The following MIX23 variants were observed in gnomAD, a reference collection of about 807,000 sequenced individuals.
MIX23 encodes the protein protein MIX23.
MIX23 carries 13 observed loss-of-function variants against 21.6 expected under a neutral mutation model. The ratio of observed to expected loss-of-function variants is 0.60; its 90% CI spans 0.39 to 0.96. The LOEUF (loss-of-function observed/expected upper bound fraction) is 0.96. MIX23 is among the 40% of genes least tolerant of loss of function. The pLI is 0.00. For synonymous variants in MIX23, 59 were observed against 58.0 expected, an observed-to-expected ratio of 1.02 and a Z score of -0.08; for missense variants, 144 against 171.2, an observed-to-expected ratio of 0.84 and a Z score of 0.89.
intron 1 of MIX23, chr3:122,373,160 T>A: frequency 3.4e-6 from 1 of 292,682 alleles, no homozygotes; most frequent in Non-Finnish European, 6.6e-6. Flanking sequence ...TGGTCTTTTT[T>A]CTACACATAC....
chr3:122,370,456 C>CA (rs10660235), intron 2 of MIX23, among the ~76,000 whole-genome samples: 9,625 of 48,020 alleles, frequency 0.2, 2,179 homozygotes, highest in African/African-American at 0.36. Flanking sequence ...GACACTGTCT[C>CA]AAAAAAAAAA....
At chr3:122,364,032 G>A (rs1246669020) in intron 3 of MIX23, among the ~76,000 whole-genome samples, 1 of 152,146 alleles carries the variant, frequency 6.6e-6, no homozygotes, top group African/African-American at 2.4e-5. Context: ...GCCAGATTTG[G>A]GAACAAAATG....
At position 122,377,511 on chromosome 3, in the gene MIX23, T is replaced by C. The variant is rs115809001; in HGVS notation, c.51+5663A>G. Among the ~76,000 whole-genome samples, 639 of 152,118 alleles carry C rather than the reference T, an allele frequency of 4.2e-3. 8 individuals are homozygous for C. The highest frequency in any genetic ancestry group is 0.015 in the African/African-American group (617 of 41,494). ...GATGTCACGGAAGTCAGAAGAAAGGTTTAACGGAGGGATTGGTCATTTGTG... is the reference window on the plus strand; with the variant it reads ...GATGTCACGGAAGTCAGAAGAAAGGCTTAACGGAGGGATTGGTCATTTGTG... On this transcript the variant is annotated intron_variant, in intron 1 of 4. Coordinates refer to ENST00000291458, the MANE Select transcript of MIX23 (RefSeq NM_001017928.4).
intron 1 of MIX23, among the ~76,000 whole-genome samples, chr3:122,375,998 C>A (rs2075483543): frequency 6.6e-6 from 1 of 151,792 alleles, no homozygotes; most frequent in Non-Finnish European, 1.5e-5. Flanking sequence ...CCCATCTCTA[C>A]TAAAAATACA....
At position 122,363,471 on chromosome 3, in the gene MIX23, G is replaced by T. The variant is rs187650465; in HGVS notation, c.325-444C>A. On this transcript the variant is annotated intron_variant, in intron 3 of 4. Coordinates refer to ENST00000291458, the MANE Select transcript of MIX23 (RefSeq NM_001017928.4). ...TATATTCTTAGTAAGAGTATAAATT[G>T]TTACAAAATCTATGGAGGGCAATTT... 1.3e-3 allele frequency among the ~76,000 whole-genome samples: 203 copies of T among 151,880 alleles called. 6 individuals are homozygous for T. Among genetic ancestry groups the T allele is most frequent in the African/African-American group, 4.5e-3 (187 of 41,178 alleles).
At chr3:122,383,070 T>G in intron 1 of MIX23, 104 bp downstream of exon 1, 1 of 1,459,366 alleles carries the variant, frequency 6.9e-7, no homozygotes, top group Non-Finnish European at 9.6e-7. Context: ...AGCTTTGAAT[T>G]GCCCGCTTTT....
intron 1 of MIX23, among the ~76,000 whole-genome samples, chr3:122,376,230 C>G (rs1044762305): frequency 6.7e-6 from 1 of 148,362 alleles, no homozygotes; most frequent in Non-Finnish European, 1.5e-5. Flanking sequence ...CTATTCACAG[C>G]AGCAAGCTAA....
intron 4 of MIX23, among the ~76,000 whole-genome samples, chr3:122,360,751 C>A (rs1355045838): frequency 6.6e-6 from 1 of 151,934 alleles, no homozygotes; most frequent in African/African-American, 2.4e-5. Context: ...TAAAAAAAAA[C>A]AAACTACCTA....
At chr3:122,368,442 C>G in intron 2 of MIX23, 120 bp from the exon 3 acceptor site, 1 of 958,838 alleles carries the variant, frequency 1.0e-6, no homozygotes, top group Non-Finnish European at 1.5e-6. Flanking sequence ...CAATTTCTGA[C>G]GACTGAAACC....
At chr3:122,375,309 G>A (rs2075475949) in intron 1 of MIX23, among the ~76,000 whole-genome samples, 1 of 152,204 alleles carries the variant, frequency 6.6e-6, no homozygotes. Flanking sequence ...GTATGGAAGT[G>A]CCATTAACTT....
At chr3:122,363,142 C>G (rs2075371860) in intron 3 of MIX23, 115 bp from the exon 4 acceptor site, 1 of 770,532 alleles carries the variant, frequency 1.3e-6, no homozygotes, top group African/African-American at 1.8e-5. Context: ...AAACCTGCTA[C>G]TGCTCTAGTA....
rs1289972098 is a variant in MIX23 at position 122,381,730 on chromosome 3, A to T, written c.51+1444T>A. Among the ~76,000 whole-genome samples, 210 of 26,132 alleles carry T rather than the reference A, an allele frequency of 8.0e-3. 1 individual carries two copies. Among genetic ancestry groups the T allele is most frequent in the Middle Eastern group, 0.048 (2 of 42 alleles). 17.1% of individuals were successfully genotyped at this position (26,132 alleles called of 152,430 possible). Reference sequence around the variant, plus strand: ...GAGACTCTGTCTCAAAAAAAAAATAAAAAAAAAAAAAAAAAGAAGAGGAGG... The same window carrying T: ...GAGACTCTGTCTCAAAAAAAAAATATAAAAAAAAAAAAAAAGAAGAGGAGG... On this transcript the variant is annotated intron_variant, in intron 1 of 4. Transcript: ENST00000291458.
intron 1 of MIX23, among the ~76,000 whole-genome samples, chr3:122,378,651 T>C (rs562442474): frequency 6.6e-6 from 1 of 152,362 alleles, no homozygotes; most frequent in Admixed American, 6.5e-5. Flanking sequence ...TATCTAAATA[T>C]ATCTACATAT....
intron 4 of MIX23, among the ~76,000 whole-genome samples, chr3:122,361,186 C>A (rs1388749785): frequency 6.6e-6 from 1 of 152,158 alleles, no homozygotes; most frequent in African/African-American, 2.4e-5. Flanking sequence ...GTGGTAGATA[C>A]ATGAATATTC....
At chr3:122,374,586 A>T (rs1015871584) in intron 1 of MIX23, among the ~76,000 whole-genome samples, 7 of 152,176 alleles carry the variant, frequency 4.6e-5, no homozygotes, top group African/African-American at 7.2e-5. Context: ...TTCAGTATGG[A>T]TGCAACTTTT....
chr3:122,382,529 C>A (rs1185452575), intron 1 of MIX23, among the ~76,000 whole-genome samples: 2 of 152,198 alleles, frequency 1.3e-5, no homozygotes, highest in Non-Finnish European at 2.9e-5. Flanking sequence ...ACATTTATGA[C>A]TGAATTGGAA....
chr3:122,372,893 T>C, intron 1 of MIX23: 1 of 322,612 alleles, frequency 3.1e-6, no homozygotes, highest in Non-Finnish European at 6.1e-6. Context: ...ATACTTATTA[T>C]TGAAAACATC....
At chr3:122,362,688 C>T (rs1414938020) in intron 4 of MIX23, among the ~76,000 whole-genome samples, 1 of 152,104 alleles carries the variant, frequency 6.6e-6, no homozygotes, top group Admixed American at 6.5e-5. Context: ...GACCCACCCA[C>T]CTTGGCCTCC....
At position 122,379,602 on chromosome 3, in the gene MIX23, C is replaced by T. The variant is rs529373354; in HGVS notation, c.51+3572G>A. 3.9e-5 allele frequency among the ~76,000 whole-genome samples: 6 copies of T among 152,296 alleles called. No individual in the cohort carries two copies. The South Asian group carries it at 1.2e-3, about 32-fold the overall frequency. Reference sequence around the variant, plus strand: ...AGGCTTAGCCCCAATGGCATACACTCCTGTCCAGAAATTCACCAAGAAAAT... The same window carrying T: ...AGGCTTAGCCCCAATGGCATACACTTCTGTCCAGAAATTCACCAAGAAAAT... On this transcript the variant is annotated intron_variant, in intron 1 of 4. Coordinates refer to ENST00000291458, the MANE Select transcript of MIX23 (RefSeq NM_001017928.4).
Sources: gnomAD v4.1 joint callset for allele counts (sites outside exome capture counted in the v4.1 genomes callset) on GRCh38, gnomAD v4.1.1 for gene constraint, MANE v1.5 for transcripts, NCBI Gene and HGNC (gene_info 2026-07-23, HGNC 2026-07-21) for gene names.